NCAM1: variants seen among roughly 807,000 people sequenced by gnomAD.
NCAM1 encodes neural cell adhesion molecule 1.
Under a neutral mutation model 109.8 loss-of-function variants are expected in NCAM1, and 14 were observed. That is an observed-to-expected ratio of 0.13 (90% CI 0.08 to 0.20). NCAM1 has a LOEUF of 0.20. Ranked by LOEUF, NCAM1 falls within the 10% of genes least tolerant of loss-of-function variation. NCAM1 has a pLI of 1.00. For synonymous variants in NCAM1, 418 were observed against 442.9 expected (o/e 0.94, Z 0.70); for missense variants, 774 against 1,109.9 (o/e 0.70, Z 4.30).
chr11:113,122,045 G>C (rs550577457), intron 1 of NCAM1, among the ~76,000 whole-genome samples: 1 of 152,146 alleles, frequency 6.6e-6, no homozygotes, highest in African/African-American at 2.4e-5. Context: ...AGGCAGAAAG[G>C]GGGTAATCTA....
intron 1 of NCAM1, among the ~76,000 whole-genome samples, chr11:113,067,884 A>G (rs964582457): frequency 5.3e-5 from 8 of 151,802 alleles, no homozygotes. Flanking sequence ...AGAACCCTCC[A>G]AGTATGGCAT....
intron 1 of NCAM1, among the ~76,000 whole-genome samples, chr11:113,008,592 T>C (rs1474856484): frequency 1.3e-5 from 2 of 152,220 alleles, no homozygotes; most frequent in African/African-American, 2.4e-5. Flanking sequence ...CTCAAAATTA[T>C]GGTTTTGATT....
chr11:113,214,302 A>G (rs370434285), intron 7 of NCAM1, 67 bp from the exon 8 acceptor site: 10 of 1,542,566 alleles, frequency 6.5e-6, no homozygotes, highest in South Asian at 1.2e-5. Flanking sequence ...GGATAGGTGC[A>G]TGCCATCATT....
chr11:113,260,197 G>T lies in NCAM1; in HGVS notation c.2005G>T (p.Val669Phe), dbSNP rs542274622. 6.2e-7 allele frequency: 1 copy of T among 1,613,792 alleles called. No homozygotes were observed. Among genetic ancestry groups the T allele is most frequent in the African/African-American group, 1.3e-5 (1 of 74,894 alleles). ...CAGGCTCCCGTCTGGCAGTGACCACGTCATGCTGAAGTCCCTGGACTGGAA... is the reference window on the plus strand; with the variant it reads ...CAGGCTCCCGTCTGGCAGTGACCACTTCATGCTGAAGTCCCTGGACTGGAA... ...EIRLPSGSDH[V>F]MLKSLDWNAE... The change falls in exon 17 of 20, where the codon GTC becomes TTC. Residue 669 changes from valine (V) to phenylalanine (F), a missense_variant. By Grantham distance (50) the Val-to-Phe change is conservative. Coordinates refer to ENST00000316851, the MANE Select transcript of NCAM1 (RefSeq NM_181351.5).
rs1440042700 is a variant in NCAM1, at chr11:112,993,852, C to T, written c.52+32188C>T. On this transcript the variant is annotated intron_variant, in intron 1 of 19. Transcript: ENST00000316851. ...GTCTTTTTTGCCCTTTCATTGTCTG[C>T]CTATGTGACCTTCTGAAGTTTTTTT... 2.0e-5 allele frequency among the ~76,000 whole-genome samples: 3 copies of T among 152,136 alleles called. No individual in the cohort carries two copies. The East Asian group carries it at 5.8e-4, about 29-fold the overall frequency.
At chr11:113,080,969 C>G (rs1555087061) in intron 1 of NCAM1, among the ~76,000 whole-genome samples, 2 of 152,168 alleles carry the variant, frequency 1.3e-5, no homozygotes, top group African/African-American at 4.8e-5. Flanking sequence ...TGCTTATTTT[C>G]TTTTTAATTA....
At chr11:113,124,723 A>G (rs1181319992) in intron 1 of NCAM1, among the ~76,000 whole-genome samples, 2 of 152,236 alleles carry the variant, frequency 1.3e-5, no homozygotes, top group Admixed American at 1.3e-4. Flanking sequence ...CAAGGAAAAA[A>G]GAATTCCCAT....
At chr11:112,961,931 G>T (rs1018810769) in intron 1 of NCAM1, among the ~76,000 whole-genome samples, 1 of 152,128 alleles carries the variant, frequency 6.6e-6, no homozygotes. Flanking sequence ...TGCGCCCGCG[G>T]CGGTGGGAGC....
intron 9 of NCAM1, among the ~76,000 whole-genome samples, chr11:113,225,427 C>G (rs1021463208): frequency 1.1e-4 from 16 of 152,134 alleles, no homozygotes; most frequent in Non-Finnish European, 1.9e-4. Flanking sequence ...AAATATGGGA[C>G]TATGTGAAAA....
intron 1 of NCAM1, among the ~76,000 whole-genome samples, chr11:113,171,430 G>A (rs542772369): frequency 2.0e-5 from 3 of 152,202 alleles, no homozygotes; most frequent in South Asian, 2.1e-4. Flanking sequence ...TCAAGAGTTC[G>A]AGACAAGTCT....
At chr11:113,116,512 C>T (rs1265339362) in intron 1 of NCAM1, among the ~76,000 whole-genome samples, 1 of 152,132 alleles carries the variant, frequency 6.6e-6, no homozygotes, top group African/African-American at 2.4e-5. Context: ...TCAAGTGACT[C>T]CAAAATAAAA....
chr11:113,237,871 T>C (rs1338297711), intron 14 of NCAM1, among the ~76,000 whole-genome samples: 1 of 58,370 alleles, frequency 1.7e-5, no homozygotes, highest in Non-Finnish European at 4.0e-5. Flanking sequence ...TATAGATATA[T>C]AGATATATAT....
At chr11:113,007,365 A>G (rs536475065) in intron 1 of NCAM1, among the ~76,000 whole-genome samples, 25 of 152,208 alleles carry the variant, frequency 1.6e-4, no homozygotes, top group African/African-American at 5.5e-4. Context: ...TGGTCTGTCT[A>G]TATTCTCAAA....
At chr11:113,066,705 A>G (rs1937975456) in intron 1 of NCAM1, among the ~76,000 whole-genome samples, 1 of 152,098 alleles carries the variant, frequency 6.6e-6, no homozygotes, top group Admixed American at 6.5e-5. Context: ...TTTCCCTCTA[A>G]AAAGAATTAG....
intron 1 of NCAM1, among the ~76,000 whole-genome samples, chr11:113,100,866 T>G (rs1555091389): frequency 6.6e-6 from 1 of 152,160 alleles, no homozygotes; most frequent in Non-Finnish European, 1.5e-5. Context: ...GGAACTGCCC[T>G]CTTCTGCCCA....
chr11:113,208,685 C>A (rs933102729), intron 7 of NCAM1, among the ~76,000 whole-genome samples: 23 of 152,226 alleles, frequency 1.5e-4, no homozygotes, highest in Middle Eastern at 3.4e-3. Flanking sequence ...TCTCGTGACT[C>A]TTACTGTATC....
At chr11:113,221,613 C>A in intron 9 of NCAM1, 1 of 321,256 alleles carries the variant, frequency 3.1e-6, no homozygotes, top group Non-Finnish European at 5.8e-6. Context: ...ATAAATTGCC[C>A]CCAATTCCCA....
chr11:113,260,485 A>G, intron 17 of NCAM1, 162 bp downstream of exon 17: 1 of 730,886 alleles, frequency 1.4e-6, no homozygotes, highest in Non-Finnish European at 2.2e-6. Context: ...CTATCTGTGC[A>G]GTGGGGTGAG....
intron 15 of NCAM1, 125 bp downstream of exon 15, chr11:113,246,495 C>T (rs1302474420): frequency 1.5e-6 from 1 of 661,598 alleles, no homozygotes; most frequent in Non-Finnish European, 2.8e-6. Flanking sequence ...CTCTTGTTCT[C>T]AATTCACATC....
Sources: gnomAD v4.1 joint callset for allele counts (sites outside exome capture counted in the v4.1 genomes callset) on GRCh38, gnomAD v4.1.1 for gene constraint, MANE v1.5 for transcripts, NCBI Gene and HGNC (gene_info 2026-07-23, HGNC 2026-07-21) for gene names.